PSPH: variants seen among roughly 807,000 people sequenced by gnomAD.
PSPH encodes the protein phosphoserine phosphatase.
Under a neutral mutation model 23.4 loss-of-function variants are expected in PSPH, and 16 were observed. The ratio of observed to expected loss-of-function variants is 0.68; its 90% CI spans 0.46 to 1.04. PSPH has a LOEUF of 1.04. Among genes scored for constraint, PSPH ranks in the 50% least tolerant of loss-of-function variants. PSPH has a pLI of 0.00. For missense variants in PSPH, 223 were observed against 273.7 expected, an observed-to-expected ratio of 0.81 and a Z score of 1.31; for synonymous variants, 68 against 99.7, an observed-to-expected ratio of 0.68 and a Z score of 1.89.
chr7:56,050,105 T>C (rs568115861), intron 1 of PSPH, among the ~76,000 whole-genome samples: 1 of 152,282 alleles, frequency 6.6e-6, no homozygotes, highest in African/African-American at 2.4e-5. Flanking sequence ...ATGGAACTAA[T>C]AACTAGTCTT....
chr7:56,015,948 C>T (rs1462750153), intron 6 of PSPH, among the ~76,000 whole-genome samples: 3 of 152,058 alleles, frequency 2.0e-5, no homozygotes, highest in Non-Finnish European at 4.4e-5. Context: ...CGTGAGCCAC[C>T]ACACCCAGCC....
In PSPH at chr7:56,037,776, G is replaced by C. The variant is rs1463775975; in HGVS notation, c.-291-3670C>G. ...CACCCAGGCTGGAGTGCAGTAGCGT[G>C]ATCTTGGCTCTCTGCAACCTCTGCC... On this transcript the variant is annotated intron_variant, in intron 1 of 7. Coordinates refer to ENST00000275605, the MANE Select transcript of PSPH (RefSeq NM_004577.4). Among the ~76,000 whole-genome samples the C allele has an allele frequency of 2.1e-5, 3 of 143,774 alleles. No individual in the cohort carries two copies. In the South Asian group the frequency reaches 6.7e-4, roughly 32 times the overall value. 94.3% of individuals were successfully genotyped at this position (143,774 alleles called of 152,430 possible).
At chr7:56,022,797 G>A (rs1302354971) in intron 3 of PSPH, among the ~76,000 whole-genome samples, 1 of 152,178 alleles carries the variant, frequency 6.6e-6, no homozygotes, top group Non-Finnish European at 1.5e-5. Context: ...GGTGGCTCAC[G>A]CCTGTAATCC....
intron 1 of PSPH, among the ~76,000 whole-genome samples, chr7:56,049,336 C>T (rs973388007): frequency 1.3e-5 from 2 of 152,138 alleles, no homozygotes. Context: ...CCTCCCTGTA[C>T]AGACCCATGG....
intron 1 of PSPH, among the ~76,000 whole-genome samples, chr7:56,047,136 C>G (rs1367537152): frequency 6.6e-6 from 1 of 151,718 alleles, no homozygotes; most frequent in East Asian, 1.9e-4. Flanking sequence ...GTAACCCCAG[C>G]ACTTTGGGAG....
At chr7:56,022,658 T>C (rs1452351026) in intron 3 of PSPH, among the ~76,000 whole-genome samples, 1 of 152,172 alleles carries the variant, frequency 6.6e-6, no homozygotes, top group Non-Finnish European at 1.5e-5. Context: ...TTCCAGATAC[T>C]GGGAAAGGCT....
At chr7:56,011,937 G>A (rs1420325311) in intron 7 of PSPH, 68 bp from the exon 8 acceptor site, 17 of 1,283,558 alleles carry the variant, frequency 1.3e-5, no homozygotes, top group Admixed American at 5.8e-5. Flanking sequence ...TTGGAGTCTC[G>A]CTCTGTCACC....
chr7:56,023,095 A>T (rs1291806396), intron 3 of PSPH, among the ~76,000 whole-genome samples: 1 of 151,912 alleles, frequency 6.6e-6, no homozygotes, highest in Admixed American at 6.6e-5. Flanking sequence ...AAGTCCAGGG[A>T]GAATAGAGAG....
chr7:56,044,389 G>A (rs944712708), intron 1 of PSPH, among the ~76,000 whole-genome samples: 14 of 152,064 alleles, frequency 9.2e-5, no homozygotes, highest in African/African-American at 3.1e-4. Flanking sequence ...CAGGTTTGGG[G>A]GAGAAAAAAC....
chr7:56,039,907 G>A (rs1461260669), intron 1 of PSPH, among the ~76,000 whole-genome samples: 4 of 151,512 alleles, frequency 2.6e-5, no homozygotes, highest in South Asian at 4.2e-4. Context: ...GACCATCCTC[G>A]CTAACATGGT....
At chr7:56,045,478 A>AG (rs1793102028) in intron 1 of PSPH, among the ~76,000 whole-genome samples, 1 of 152,130 alleles carries the variant, frequency 6.6e-6, no homozygotes, top group Admixed American at 6.6e-5. Context: ...AATATATAAA[A>AG]GAAAAAATTA....
At chr7:56,043,860 G>C (rs893856312) in intron 1 of PSPH, among the ~76,000 whole-genome samples, 8 of 152,062 alleles carry the variant, frequency 5.3e-5, no homozygotes, top group African/African-American at 1.7e-4. Flanking sequence ...ATGAGCCAGC[G>C]ATTTTTTTGT....
chr7:56,033,797 A>G (rs1329792504), intron 2 of PSPH, among the ~76,000 whole-genome samples, 164 bp downstream of exon 2: 1 of 152,184 alleles, frequency 6.6e-6, no homozygotes, highest in Admixed American at 6.6e-5. Context: ...AAGTGAAGCT[A>G]CCCAAAAAAT....
chr7:56,025,121 C>T (rs1023999210), intron 3 of PSPH, among the ~76,000 whole-genome samples: 2 of 151,902 alleles, frequency 1.3e-5, no homozygotes, highest in African/African-American at 4.8e-5. Flanking sequence ...CAGTACCCAG[C>T]CATTAACATA....
chr7:56,022,451 T>G (rs576586713), intron 3 of PSPH, among the ~76,000 whole-genome samples: 84 of 152,150 alleles, frequency 5.5e-4, no homozygotes, highest in African/African-American at 2.0e-3. Context: ...TGGCATGTGC[T>G]GGGAGGAGAG....
At chr7:56,033,276 T>A (rs1791272261) in intron 2 of PSPH, 1 of 151,930 alleles carries the variant, frequency 6.6e-6, no homozygotes. Flanking sequence ...GGCAGGTGGA[T>A]CGCTTGAGGC....
At chr7:56,017,801 C>T (rs1387342170) in intron 5 of PSPH, among the ~76,000 whole-genome samples, 4 of 150,610 alleles carry the variant, frequency 2.7e-5, no homozygotes, top group Non-Finnish European at 4.4e-5. Context: ...CAGCTCACTG[C>T]AACCTCCTCC....
chr7:56,014,269 G>A (rs960981633), intron 7 of PSPH, among the ~76,000 whole-genome samples: 1 of 152,168 alleles, frequency 6.6e-6, no homozygotes, highest in South Asian at 2.1e-4. Flanking sequence ...ATTATTTGGG[G>A]AAATGAAATC....
At chr7:56,029,268 A>G (rs1584447347) in intron 3 of PSPH, among the ~76,000 whole-genome samples, 1 of 152,102 alleles carries the variant, frequency 6.6e-6, no homozygotes, top group Non-Finnish European at 1.5e-5. Context: ...CAGAAAAATC[A>G]TTGCCAGAGA....
Sources: allele counts gnomAD v4.1 joint callset (sites outside exome capture counted in the v4.1 genomes callset), GRCh38; gene constraint gnomAD v4.1.1; transcripts MANE v1.5; gene names NCBI Gene and HGNC (gene_info 2026-07-23, HGNC 2026-07-21).